The following RAPGEF1 variants were observed in gnomAD, a reference collection of about 807,000 sequenced individuals.
RAPGEF1 encodes the protein CRK SH3-binding GNRP.
RAPGEF1 carries 33 observed loss-of-function variants against 143.3 expected under a neutral mutation model. That is an observed-to-expected ratio of 0.23 (90% confidence interval 0.17 to 0.31). The LOEUF is 0.31. RAPGEF1 is among the 10% of genes least tolerant of loss of function. The probability of loss-of-function intolerance (pLI) is 1.00; values close to 1 mark genes in which losing one functional copy is unlikely to be tolerated. For missense variants in RAPGEF1, 1,199 were observed against 1,645.4 expected, an observed-to-expected ratio of 0.73 and a Z score of 4.69; for synonymous variants, 629 against 676.5, an observed-to-expected ratio of 0.93 and a Z score of 1.09.
intron 12 of RAPGEF1, 130 bp from the exon 13 acceptor site, chr9:131,605,318 C>T (rs374293257): frequency 4.2e-5 from 35 of 835,386 alleles, no homozygotes; most frequent in African/African-American, 4.0e-4. Context: ...CCACCAATCA[C>T]GCCAAGCAAC....
In RAPGEF1 at chr9:131,583,797, T is replaced by C. The variant is rs1428790746; in HGVS notation, c.3414+514A>G. Among the ~76,000 whole-genome samples the C allele has an allele frequency of 6.6e-6, 1 of 152,156 alleles. No individual in the cohort carries two copies. Among genetic ancestry groups the C allele is most frequent in the African/African-American group, 2.4e-5 (1 of 41,430 alleles). On this transcript the variant is annotated intron_variant, in intron 24 of 26. Coordinates refer to ENST00000683357, the MANE Select transcript of RAPGEF1 (RefSeq NM_001377935.1). The surrounding 1 kb of genome is among the most constrained non-coding windows in gnomAD (Gnocchi z 4.7). ...CACCTGCTCCTGGCTGTGCACTCCT[T>C]TGTCCCCTTTGATTCTCTTCCCTTC...
intron 1 of RAPGEF1, among the ~76,000 whole-genome samples, chr9:131,714,218 C>T (rs180672733): frequency 1.6e-4 from 25 of 152,116 alleles, no homozygotes; most frequent in African/African-American, 6.0e-4. Flanking sequence ...ATTGTGGCCA[C>T]TGAAGTAGGA....
intron 3 of RAPGEF1, 150 bp downstream of exon 3, chr9:131,649,979 T>A: frequency 1.7e-6 from 1 of 596,796 alleles, no homozygotes; most frequent in Non-Finnish European, 2.9e-6. Flanking sequence ...CAAGGTCCCC[T>A]GGACTCTTTC....
At chr9:131,689,784 C>A (rs1028186301) in intron 1 of RAPGEF1, among the ~76,000 whole-genome samples, 3 of 152,176 alleles carry the variant, frequency 2.0e-5, no homozygotes, top group African/African-American at 7.2e-5. Flanking sequence ...GCAATCCGAC[C>A]GCCTCGGCCT....
At chr9:131,733,671 G>A (rs1202139363) in intron 1 of RAPGEF1, among the ~76,000 whole-genome samples, 3 of 152,160 alleles carry the variant, frequency 2.0e-5, no homozygotes, top group Admixed American at 6.5e-5. Flanking sequence ...CTGTCCCGGC[G>A]GCGAGGCGGC....
chr9:131,583,808 G>C lies in RAPGEF1; in HGVS notation c.3414+503C>G, dbSNP rs1188446655. ...GGCTGTGCACTCCTTTGTCCCCTTT[G>C]ATTCTCTTCCCTTCCCAGGAAACTC... On this transcript the variant is annotated intron_variant, in intron 24 of 26. Coordinates refer to ENST00000683357, the MANE Select transcript of RAPGEF1 (RefSeq NM_001377935.1). The surrounding 1 kb of genome is among the most constrained non-coding windows in gnomAD (Gnocchi z 4.7). 6.6e-6 allele frequency among the ~76,000 whole-genome samples: 1 copy of C among 152,144 alleles called. No individual in the cohort carries two copies. Among genetic ancestry groups the C allele is most frequent in the African/African-American group, 2.4e-5 (1 of 41,424 alleles).
chr9:131,605,120 G>GT lies in RAPGEF1; in HGVS notation c.2129_2130insA (p.Phe710LeufsTer22). ...GAGAGGAAGAGGAGGTAGGCGGAAG[G>GT]AAAGGCGGAACGGAAGCTTGGTGGT... On this transcript the variant is annotated frameshift_variant, in exon 13 of 27. Transcript: ENST00000683357. LOFTEE classifies it high-confidence loss of function. 7.3e-7 allele frequency: 1 copy of GT among 1,364,374 alleles called. No homozygotes were observed. Among genetic ancestry groups the GT allele is most frequent in the Non-Finnish European group, 9.8e-7 (1 of 1,020,902 alleles). The allele number at this position is 1,364,374 out of a possible 1,614,324, so 84.5% of individuals were successfully genotyped here. A position where few individuals can be genotyped will look rare whatever the true frequency, so the allele number is the denominator to read the frequency against.
At chr9:131,603,923 G>A in intron 14 of RAPGEF1, 38 bp downstream of exon 14, 2 of 1,235,918 alleles carry the variant, frequency 1.6e-6, no homozygotes, top group Admixed American at 2.3e-5. Context: ...GCCCCACCAG[G>A]CCAGGCCACA....
At chr9:131,726,876 C>T (rs1041968739) in intron 1 of RAPGEF1, among the ~76,000 whole-genome samples, 2 of 152,016 alleles carry the variant, frequency 1.3e-5, no homozygotes, top group African/African-American at 2.4e-5. Flanking sequence ...TGGTGGTACG[C>T]ACCTGTAGTC....
rs762863620 is a variant in RAPGEF1 at position 131,641,843 on chromosome 9, G to A, written c.494+1396C>T. On this transcript the variant is annotated intron_variant, in intron 4 of 26. Transcript: ENST00000683357. This position sits in a 1 kb window ranked among gnomAD's most constrained non-coding sequence, Gnocchi z 4.6. ...CTGGCCAAAAGACCACAGTCTCCAC[G>A]CGTCAGCTGAAACTCCAGGGAGGAA... Among the ~76,000 whole-genome samples, 2 of 152,162 alleles carry A rather than the reference G, an allele frequency of 1.3e-5. No homozygotes were observed. Among genetic ancestry groups the A allele is most frequent in the African/African-American group, 2.4e-5 (1 of 41,416 alleles).
At chr9:131,683,627 C>T (rs1833095410) in intron 1 of RAPGEF1, among the ~76,000 whole-genome samples, 1 of 152,248 alleles carries the variant, frequency 6.6e-6, no homozygotes, top group African/African-American at 2.4e-5. Flanking sequence ...AAACAACCTG[C>T]AGCCTGCTAA....
chr9:131,688,135 T>A (rs1833502479), intron 1 of RAPGEF1, among the ~76,000 whole-genome samples: 1 of 152,100 alleles, frequency 6.6e-6, no homozygotes. Context: ...TGGGCAGAGG[T>A]GCTTAGAGGA....
At chr9:131,704,542 T>C (rs771566940) in intron 1 of RAPGEF1, among the ~76,000 whole-genome samples, 9 of 152,054 alleles carry the variant, frequency 5.9e-5, no homozygotes, top group Non-Finnish European at 1.3e-4. Flanking sequence ...CCACACTGTG[T>C]ACAAACATGC....
chr9:131,733,537 C>T (rs1260409825), intron 1 of RAPGEF1, among the ~76,000 whole-genome samples: 1 of 152,118 alleles, frequency 6.6e-6, no homozygotes. Flanking sequence ...AAACAGATGA[C>T]CAGAAACTAA....
Position 131,709,576 on chromosome 9 carries a change from G to A in RAPGEF1, c.61+30194C>T, listed in dbSNP as rs760316734. 6 of 1,591,844 alleles carry A rather than the reference G, an allele frequency of 3.8e-6. 1 individual carries two copies. The East Asian group carries it at 1.3e-4, about 36-fold the overall frequency. ...CTGGGCCAGTCTCTCAGAGAAAACT[G>A]CCTCCTTGCTTCTTCCTGGAAAGGA... On this transcript the variant is annotated intron_variant, in intron 1 of 26. Coordinates refer to ENST00000683357, the MANE Select transcript of RAPGEF1 (RefSeq NM_001377935.1).
At chr9:131,716,670 G>A (rs1589090847) in intron 1 of RAPGEF1, among the ~76,000 whole-genome samples, 1 of 152,158 alleles carries the variant, frequency 6.6e-6, no homozygotes, top group African/African-American at 2.4e-5. Flanking sequence ...CTACTCGGGG[G>A]GCTGAGGTGA....
chr9:131,634,926 G>A (rs1163094781), intron 5 of RAPGEF1, among the ~76,000 whole-genome samples: 1 of 152,000 alleles, frequency 6.6e-6, no homozygotes, highest in Non-Finnish European at 1.5e-5. Flanking sequence ...CAGGTGCTAG[G>A]CTGGGTGTGG....
chr9:131,581,568 G>A (rs981996102), intron 25 of RAPGEF1, among the ~76,000 whole-genome samples: 3 of 151,982 alleles, frequency 2.0e-5, no homozygotes, highest in Non-Finnish European at 4.4e-5. Context: ...GCGTGGTTGC[G>A]CATGCCTGTA....
chr9:131,681,560 T>G (rs541257862), intron 1 of RAPGEF1, among the ~76,000 whole-genome samples: 17 of 152,370 alleles, frequency 1.1e-4, no homozygotes, highest in African/African-American at 4.1e-4. Context: ...TCCTACTGAC[T>G]GGGATGCTCT....
Sources: allele counts gnomAD v4.1 joint callset (sites outside exome capture counted in the v4.1 genomes callset), GRCh38; gene constraint gnomAD v4.1.1; non-coding constraint Gnocchi (gnomAD v3.1); transcripts MANE v1.5; gene names NCBI Gene and HGNC (gene_info 2026-07-23, HGNC 2026-07-21).